The following BLTP3B variants were observed in gnomAD, a reference collection of about 807,000 sequenced individuals.
BLTP3B encodes the protein bridge-like lipid transfer protein family member 3B, also known as UHRF1 (ICBP90) binding protein 1-like.
the BLTP3B span, among the ~76,000 whole-genome samples, chr12:100,135,989 G>T: frequency 6.6e-6 from 1 of 152,102 alleles, no homozygotes; most frequent in Non-Finnish European, 1.5e-5. Flanking sequence ...AAAGTGGGTG[G>T]ATCACAAGGT....
the BLTP3B span, chr12:100,059,785 T>G: frequency 5.5e-6 from 8 of 1,463,770 alleles, 1 homozygote; most frequent in South Asian, 2.4e-5. Flanking sequence ...AACATACATA[T>G]ACGCACAAAT....
At chr12:100,048,735 G>GGGAGA in the BLTP3B span, among the ~76,000 whole-genome samples, 19 of 119,590 alleles carry the variant, frequency 1.6e-4, no homozygotes, top group East Asian at 1.2e-3. Context: ...GTAAGGGGGG[G>GGGAGA]GAGAGAGAGA....
the BLTP3B span, chr12:100,070,247 G>T: frequency 6.8e-7 from 1 of 1,473,578 alleles, no homozygotes; most frequent in Non-Finnish European, 9.0e-7. Flanking sequence ...GAAACATGAA[G>T]ATAGGATTAA....
chr12:100,127,524 T>C, the BLTP3B span, among the ~76,000 whole-genome samples: 1 of 152,254 alleles, frequency 6.6e-6, no homozygotes, highest in African/African-American at 2.4e-5. Context: ...AGTATTTATG[T>C]GGATAAATTT....
chr12:100,130,949 C>CATACATACATACAT, the BLTP3B span, among the ~76,000 whole-genome samples: 144 of 97,568 alleles, frequency 1.5e-3, 1 homozygote, highest in African/African-American at 6.8e-3. Context: ...TACATACATA[C>CATACATACATACAT]ATATATATAT....
the BLTP3B span, among the ~76,000 whole-genome samples, chr12:100,092,129 CA>C: frequency 6.6e-6 from 1 of 152,268 alleles, no homozygotes; most frequent in South Asian, 2.1e-4. Context: ...TCTTAATTTT[CA>C]AAATAGTCTT....
the BLTP3B span, among the ~76,000 whole-genome samples, chr12:100,049,040 T>TA: frequency 6.6e-6 from 1 of 151,958 alleles, no homozygotes; most frequent in Admixed American, 6.6e-5. Context: ...CCAAAATGGG[T>TA]AAGAGGCAAT....
the BLTP3B span, among the ~76,000 whole-genome samples, chr12:100,086,574 T>G: frequency 6.6e-6 from 1 of 152,148 alleles, no homozygotes; most frequent in Non-Finnish European, 1.5e-5. Context: ...GGTAAGAATA[T>G]AAGAATAGCA....
chr12:100,136,789 A>G, the BLTP3B span, among the ~76,000 whole-genome samples: 1 of 150,194 alleles, frequency 6.7e-6, no homozygotes, highest in Non-Finnish European at 1.5e-5. Context: ...CATATCAGAT[A>G]GCTTTTCTTT....
chr12:100,051,165 C>T, the BLTP3B span: 1 of 1,614,022 alleles, frequency 6.2e-7, no homozygotes, highest in Non-Finnish European at 8.5e-7. Flanking sequence ...AGGTTTGCAC[C>T]AGCATTCACA....
the BLTP3B span, among the ~76,000 whole-genome samples, chr12:100,041,429 CTTTTT>C: frequency 7.9e-5 from 8 of 101,812 alleles, no homozygotes; most frequent in Admixed American, 1.9e-4. Context: ...GCTATTGTTA[CTTTTT>C]TTTTTTTTTT....
the BLTP3B span, among the ~76,000 whole-genome samples, chr12:100,110,136 A>G: frequency 6.6e-6 from 1 of 152,248 alleles, no homozygotes; most frequent in Non-Finnish European, 1.5e-5. Flanking sequence ...AACAAGAGTT[A>G]GTCTTTACTT....
At chr12:100,102,845 C>G in the BLTP3B span, 1 of 1,599,682 alleles carries the variant, frequency 6.3e-7, no homozygotes, top group Non-Finnish European at 8.5e-7. Flanking sequence ...TCCATTATTA[C>G]TTTATCCAGG....
At chr12:100,105,667 C>A in the BLTP3B span, among the ~76,000 whole-genome samples, 1 of 152,024 alleles carries the variant, frequency 6.6e-6, no homozygotes, top group Non-Finnish European at 1.5e-5. Flanking sequence ...AAAGCAAATG[C>A]AACAAAAATA....
the BLTP3B span, among the ~76,000 whole-genome samples, chr12:100,111,484 C>A: frequency 6.6e-6 from 1 of 151,888 alleles, no homozygotes; most frequent in Non-Finnish European, 1.5e-5. Context: ...CAGGGTCTCA[C>A]CCTGTTGCCC....
chr12:100,089,196 T>C, the BLTP3B span: 13 of 937,714 alleles, frequency 1.4e-5, no homozygotes, highest in African/African-American at 3.4e-5. Flanking sequence ...AAAATAACCA[T>C]AGTACATCTT....
At chr12:100,125,387 C>G in the BLTP3B span, among the ~76,000 whole-genome samples, 1 of 148,600 alleles carries the variant, frequency 6.7e-6, no homozygotes, top group Non-Finnish European at 1.5e-5. Context: ...TGGTGGCTAA[C>G]GACTACAATC....
the BLTP3B span, among the ~76,000 whole-genome samples, chr12:100,107,784 G>A: frequency 2.0e-5 from 3 of 152,166 alleles, no homozygotes; most frequent in Non-Finnish European, 4.4e-5. Flanking sequence ...ACCCAGGCTG[G>A]AGTGCAGTGG....
At chr12:100,141,225 T>C in the BLTP3B span, among the ~76,000 whole-genome samples, 2 of 151,986 alleles carry the variant, frequency 1.3e-5, no homozygotes, top group Non-Finnish European at 2.9e-5. Flanking sequence ...GGCTCACACC[T>C]GTAATCCCAG....
Sources: gnomAD v4.1 joint callset for allele counts (sites outside exome capture counted in the v4.1 genomes callset) on GRCh38, gnomAD v4.1.1 for gene constraint, MANE v1.5 for transcripts, NCBI Gene and HGNC (gene_info 2026-07-23, HGNC 2026-07-21) for gene names.